ADAMTS2: variants seen among roughly 807,000 people sequenced by gnomAD.
The protein encoded by ADAMTS2 is ADAM metallopeptidase with thrombospondin type 1 motif 2, also known as A disintegrin and metalloproteinase with thrombospondin motifs 2.
A neutral mutation model predicts 123.0 loss-of-function variants in ADAMTS2; 50 were observed. The ratio of observed to expected loss-of-function variants is 0.41; its 90% confidence interval spans 0.32 to 0.51. The LOEUF is 0.51. ADAMTS2 is among the 20% of genes least tolerant of loss of function. The pLI is 0.35. For missense variants in ADAMTS2, 1,494 were observed against 1,705.2 expected (o/e 0.88, Z 2.18); for synonymous variants, 678 against 695.4 (o/e 0.98, Z 0.39).
chr5:179,140,799 C>CTTTTTTTTTTTTTTTTTT (rs770094463), intron 10 of ADAMTS2, among the ~76,000 whole-genome samples: 2,853 of 90,356 alleles, frequency 0.032, 461 homozygotes, highest in Non-Finnish European at 0.046. Context: ...ACTGCATGCT[C>CTTTTTTTTTTTTTTTTTT]TTTTTTTTTT....
At chr5:179,341,732 A>AAG (rs1757781465) in intron 2 of ADAMTS2, among the ~76,000 whole-genome samples, 1 of 145,086 alleles carries the variant, frequency 6.9e-6, no homozygotes, top group Non-Finnish European at 1.5e-5. Flanking sequence ...AAAAAAAAAA[A>AAG]GAAAACAGAA....
intron 3 of ADAMTS2, among the ~76,000 whole-genome samples, chr5:179,258,063 C>G (rs144321159): frequency 1.3e-5 from 2 of 152,162 alleles, no homozygotes; most frequent in Non-Finnish European, 1.5e-5. Flanking sequence ...GAACGCCTGA[C>G]CCCCAGGCTC....
intron 19 of ADAMTS2, among the ~76,000 whole-genome samples, 169 bp downstream of exon 19, chr5:179,124,804 C>T (rs534465059): frequency 1.9e-4 from 29 of 151,954 alleles, no homozygotes; most frequent in African/African-American, 6.5e-4. Context: ...GGGCAGAGCT[C>T]GCTGCTGCAG....
chr5:179,160,430 GAC>G (rs1763572176), intron 5 of ADAMTS2, among the ~76,000 whole-genome samples: 1 of 152,208 alleles, frequency 6.6e-6, no homozygotes, highest in Non-Finnish European at 1.5e-5. Context: ...CAGCCTAGGC[GAC>G]AGAGTGAGAC....
chr5:179,300,189 C>T (rs1181347302), intron 2 of ADAMTS2, among the ~76,000 whole-genome samples: 1 of 151,858 alleles, frequency 6.6e-6, no homozygotes, highest in African/African-American at 2.4e-5. Flanking sequence ...AGCAACCTGA[C>T]TTCCATCTGT....
chr5:179,295,164 C>T (rs1347640153), intron 2 of ADAMTS2, among the ~76,000 whole-genome samples: 1 of 152,206 alleles, frequency 6.6e-6, no homozygotes, highest in Non-Finnish European at 1.5e-5. Flanking sequence ...GAAAGGAAAC[C>T]TGGCTTTGAA....
At position 179,162,142 on chromosome 5, in the gene ADAMTS2, T is replaced by C. The variant is rs935931838; in HGVS notation, c.976-3263A>G. ...TGCCCTCAGGGTCCTAAGCCCCATG[T>C]AGTGGGACGGTCCCTTCCGATGCCC... On this transcript the variant is annotated intron_variant, in intron 5 of 21. Transcript: ENST00000251582. The surrounding 1 kb of genome is among the most constrained non-coding windows in gnomAD (Gnocchi z 5.1). 1.3e-5 allele frequency among the ~76,000 whole-genome samples: 2 copies of C among 152,172 alleles called. No homozygotes were observed. The highest frequency in any genetic ancestry group is 4.8e-5 in the African/African-American group (2 of 41,446).
rs1041483853 is a variant in ADAMTS2 at position 179,146,691 on chromosome 5, G to A, written c.1629+5451C>T. ...TCCTCCTAATGAGCAACTGCTTTTG[G>A]TTTGATATAAAACCTTTCTTTTTTG... On this transcript the variant is annotated intron_variant, in intron 10 of 21. Transcript: ENST00000251582. Among the ~76,000 whole-genome samples the A allele has an allele frequency of 5.3e-5, 8 of 152,186 alleles. No individual in the cohort carries two copies. The South Asian group carries it at 6.2e-4, about 12-fold the overall frequency.
In ADAMTS2 at chr5:179,114,299, T is replaced by G. The variant is rs2113162029; in HGVS notation, c.3204A>C (p.Ser1068=). ...SSKGHCQGDK[S]IFCRMEVLSR... is the part of the protein sequence containing the mutation. The stretch of plus-strand genomic sequence containing the variant: ...ACAAGACTTCCATCCTACAGAATAT[T>G]GACTTGTCGCCTTGGCAGTGGCCCT... The change falls in exon 22 of 22, where the codon TCA becomes TCC. Residue 1068 remains serine, a synonymous_variant. Coordinates refer to ENST00000251582, the MANE Select transcript of ADAMTS2 (RefSeq NM_014244.5). The G allele has an allele frequency of 6.2e-7, 1 of 1,614,020 alleles. No individual in the cohort carries two copies. Among genetic ancestry groups the G allele is most frequent in the Non-Finnish European group, 8.5e-7 (1 of 1,180,014 alleles).
chr5:179,181,168 G>C lies in ADAMTS2; in HGVS notation c.892-13C>G, dbSNP rs751514834. 1.2e-6 allele frequency: 2 copies of C among 1,607,086 alleles called. No individual in the cohort carries two copies. The highest frequency in any genetic ancestry group is 1.7e-6 in the Non-Finnish European group (2 of 1,173,746). ...AGATTTCATTGACCTGAAAGAAACA[G>C]GGAGGCATCAGCGGGAACCACAGGC... On this transcript the variant is annotated splice_polypyrimidine_tract_variant and intron_variant, in intron 4 of 21. Transcript: ENST00000251582. The surrounding 1 kb of genome is among the most constrained non-coding windows in gnomAD (Gnocchi z 4.1).
intron 2 of ADAMTS2, among the ~76,000 whole-genome samples, chr5:179,290,170 G>A (rs539863005): frequency 2.6e-5 from 4 of 152,304 alleles, no homozygotes; most frequent in South Asian, 4.1e-4. Flanking sequence ...CATGGAGGCC[G>A]ATCCCTCGTG....
chr5:179,187,362 T>C, intron 4 of ADAMTS2, among the ~76,000 whole-genome samples: 1 of 152,236 alleles, frequency 6.6e-6, no homozygotes, highest in Non-Finnish European at 1.5e-5. Context: ...CTCCAGCGGC[T>C]AGCCCGGCTG....
At chr5:179,292,847 G>C (rs1006640382) in intron 2 of ADAMTS2, among the ~76,000 whole-genome samples, 3 of 152,182 alleles carry the variant, frequency 2.0e-5, no homozygotes, top group African/African-American at 7.2e-5. Flanking sequence ...GGCCCTCCAA[G>C]GTACCCCATT....
intron 2 of ADAMTS2, among the ~76,000 whole-genome samples, chr5:179,276,586 G>A (rs187057369): frequency 9.7e-4 from 147 of 152,272 alleles, no homozygotes; most frequent in Admixed American, 1.2e-3. Context: ...ACCAGGCCAC[G>A]CCTCCACCCA....
intron 4 of ADAMTS2, among the ~76,000 whole-genome samples, chr5:179,205,757 G>GTTGTTATTATTATTA (rs1554130226): frequency 1.7e-5 from 2 of 115,938 alleles, no homozygotes; most frequent in African/African-American, 5.7e-5. Context: ...TGGTTTTATT[G>GTTGTTATTATTATTA]TTATTATTAT....
At chr5:179,290,530 G>T (rs1476263321) in intron 2 of ADAMTS2, among the ~76,000 whole-genome samples, 1 of 152,188 alleles carries the variant, frequency 6.6e-6, no homozygotes, top group Non-Finnish European at 1.5e-5. Flanking sequence ...AAAGTTCCTG[G>T]TTTCAGTCCT....
In ADAMTS2 at chr5:179,260,561, C is replaced by A. The variant is rs1325124009; in HGVS notation, c.688+12350G>T. ...TGCCAGCCCAGGCTCTGAGCGGGGA[C>A]AGGAGGGCACTGCACTGGGTGTCAG... On this transcript the variant is annotated intron_variant, in intron 3 of 21. Transcript: ENST00000251582. This position sits in a 1 kb window ranked among gnomAD's most constrained non-coding sequence, Gnocchi z 4.2. 1.3e-5 allele frequency among the ~76,000 whole-genome samples: 2 copies of A among 152,156 alleles called. No homozygotes were observed. Among genetic ancestry groups the A allele is most frequent in the East Asian group, 3.9e-4 (2 of 5,186 alleles).
At chr5:179,198,388 G>C (rs1479364871) in intron 4 of ADAMTS2, among the ~76,000 whole-genome samples, 1 of 152,206 alleles carries the variant, frequency 6.6e-6, no homozygotes, top group Non-Finnish European at 1.5e-5. Context: ...ACAGTGCTTG[G>C]AAGGGAGACC....
rs1047404142 is a variant in ADAMTS2 at position 179,285,097 on chromosome 5, C to T, written c.535-12033G>A. ...TGGGCACAGCACGTGATAAATCAGC[C>T]GACTGGCAGCACCATCACCATCATG... On this transcript the variant is annotated intron_variant, in intron 2 of 21. Transcript: ENST00000251582. The surrounding 1 kb of genome is among the most constrained non-coding windows in gnomAD (Gnocchi z 4.9). Among the ~76,000 whole-genome samples, 6 of 152,136 alleles carry T rather than the reference C, an allele frequency of 3.9e-5. No homozygotes were observed. Among genetic ancestry groups the T allele is most frequent in the Non-Finnish European group, 7.3e-5 (5 of 68,038 alleles).
Sources: gnomAD v4.1 joint callset for allele counts (sites outside exome capture counted in the v4.1 genomes callset) on GRCh38, gnomAD v4.1.1 for gene constraint, Gnocchi (gnomAD v3.1) non-coding constraint, MANE v1.5 for transcripts, NCBI Gene and HGNC (gene_info 2026-07-23, HGNC 2026-07-21) for gene names.